Variants in ERI1 observed in about 807,000 individuals in gnomAD.
ERI1 encodes the protein 3'-5' exoribonuclease 1.
Under a neutral mutation model 39.7 loss-of-function variants are expected in ERI1, and 39 were observed. That is an observed-to-expected ratio of 0.98 (90% CI 0.76 to 1.28). The LOEUF (loss-of-function observed/expected upper bound fraction) is 1.28, where lower values mean the gene tolerates loss of function less well. ERI1 is among the 50% of genes most tolerant of loss of function. The pLI is 0.00. For missense variants in ERI1, 581 were observed against 416.9 expected, an observed-to-expected ratio of 1.39 and a Z score of -3.43; for synonymous variants, 204 against 149.6, an observed-to-expected ratio of 1.36 and a Z score of -2.65.
chr8:9,046,194 C>T (rs530290762), intron 3 of ERI1, among the ~76,000 whole-genome samples: 2 of 152,202 alleles, frequency 1.3e-5, no homozygotes, highest in East Asian at 1.9e-4. Context: ...TGGAATGTGA[C>T]CAGTGAGGTT....
chr8:9,067,382 A>ATGTGTGTGTG (rs10551937), intron 3 of ERI1, among the ~76,000 whole-genome samples: 159 of 143,998 alleles, frequency 1.1e-3, no homozygotes, highest in Middle Eastern at 3.4e-3. Flanking sequence ...ACCTGTGTGC[A>ATGTGTGTGTG]TGTGTGTGTG....
chr8:9,046,769 C>A (rs1798185700), intron 3 of ERI1, among the ~76,000 whole-genome samples: 1 of 152,162 alleles, frequency 6.6e-6, no homozygotes, highest in African/African-American at 2.4e-5. Context: ...AAGATGCTGT[C>A]TGGATTGGAA....
At chr8:9,073,106 C>T (rs1265954387) in intron 3 of ERI1, among the ~76,000 whole-genome samples, 1 of 152,220 alleles carries the variant, frequency 6.6e-6, no homozygotes, top group Admixed American at 6.5e-5. Context: ...CATCTGGCTT[C>T]TGCTGTCAGT....
intron 3 of ERI1, among the ~76,000 whole-genome samples, chr8:9,085,918 A>G (rs1799510155): frequency 6.6e-6 from 1 of 152,094 alleles, no homozygotes; most frequent in Admixed American, 6.6e-5. Flanking sequence ...GCAAACTCTT[A>G]TATGATCAAG....
Position 9,078,669 on chromosome 8 carries a change from A to C in ERI1, n.300-37679A>C, listed in dbSNP as rs375643349. 2.0e-5 allele frequency among the ~76,000 whole-genome samples: 3 copies of C among 152,356 alleles called. No individual in the cohort carries two copies. In the East Asian group the frequency reaches 5.8e-4, roughly 29 times the overall value. ...GAGACCAAGTCATTTTCATCTGTGC[A>C]TATAAATGCATATTCTCAGGTCCAC... On this transcript the variant is annotated intron_variant and non_coding_transcript_variant, in intron 3 of 3. Transcript: ENST00000518663.
At chr8:9,058,421 T>G (rs1420111566) in intron 3 of ERI1, among the ~76,000 whole-genome samples, 1 of 152,210 alleles carries the variant, frequency 6.6e-6, no homozygotes, top group East Asian at 1.9e-4. Flanking sequence ...ATGAAGGGCA[T>G]GATAACTAAT....
chr8:9,018,455 A>C, intron 5 of ERI1, 49 bp downstream of exon 5: 4 of 1,047,464 alleles, frequency 3.8e-6, no homozygotes, highest in Non-Finnish European at 5.7e-6. Flanking sequence ...TTAAAGATTA[A>C]AGATACCCTT....
chr8:9,096,050 G>A (rs1419229469), intron 3 of ERI1, among the ~76,000 whole-genome samples: 1 of 152,204 alleles, frequency 6.6e-6, no homozygotes, highest in African/African-American at 2.4e-5. Context: ...TGATAAGCCT[G>A]AAGCACTGTC....
At chr8:9,004,221 C>A (rs1563302791) in intron 1 of ERI1, 1 of 1,264,284 alleles carries the variant, frequency 7.9e-7, no homozygotes, top group Non-Finnish European at 1.0e-6. Context: ...AGTACTTGCA[C>A]ATCCCTTCTC....
intron 3 of ERI1, among the ~76,000 whole-genome samples, chr8:9,050,295 G>T (rs939199109): frequency 6.6e-6 from 1 of 152,092 alleles, no homozygotes; most frequent in Non-Finnish European, 1.5e-5. Flanking sequence ...ATCACTTGAG[G>T]TCAGGAGTTC....
intron 3 of ERI1, among the ~76,000 whole-genome samples, chr8:9,086,994 A>G (rs189115042): frequency 5.9e-4 from 90 of 152,168 alleles, no homozygotes; most frequent in African/African-American, 2.1e-3. Context: ...ATTCTGAGTA[A>G]CTTTGACCTC....
intron 3 of ERI1, among the ~76,000 whole-genome samples, chr8:9,090,124 GA>G (rs1039909593): frequency 6.6e-6 from 1 of 152,140 alleles, no homozygotes; most frequent in South Asian, 2.1e-4. Context: ...AGCCAGTAAT[GA>G]AAATCCCACC....
intron 3 of ERI1, among the ~76,000 whole-genome samples, chr8:9,058,578 G>C (rs1798587276): frequency 1.3e-5 from 2 of 152,140 alleles, no homozygotes. Context: ...TACACGTTTA[G>C]AGGAACTTCT....
intron 6 of ERI1, among the ~76,000 whole-genome samples, chr8:9,023,367 T>G (rs1818123996): frequency 6.6e-6 from 1 of 152,182 alleles, no homozygotes; most frequent in Non-Finnish European, 1.5e-5. Flanking sequence ...AGGTTCTTTT[T>G]TTGCTACAAC....
Position 9,083,217 on chromosome 8 carries a change from TC to T in ERI1, n.300-33128del, listed in dbSNP as rs1799421146. 2.0e-5 allele frequency among the ~76,000 whole-genome samples: 3 copies of T among 152,266 alleles called. No individual in the cohort carries two copies. The South Asian group carries it at 6.2e-4, about 32-fold the overall frequency. The stretch of plus-strand genomic sequence containing the variant: ...GCAAAGTCAATGACTGTGGCAATAA[TC>T]CCTTATCTTGATCTACTTTCAGTGA... On this transcript the variant is annotated intron_variant and non_coding_transcript_variant, in intron 3 of 3. Transcript: ENST00000518663.
At chr8:9,084,397 C>G (rs1331203272) in intron 3 of ERI1, among the ~76,000 whole-genome samples, 1 of 152,088 alleles carries the variant, frequency 6.6e-6, no homozygotes, top group African/African-American at 2.4e-5. Flanking sequence ...TTTTCTTTGC[C>G]CGTAGTGGAA....
intron 3 of ERI1, among the ~76,000 whole-genome samples, chr8:9,099,451 C>T (rs551446186): frequency 5.3e-4 from 81 of 151,652 alleles, no homozygotes; most frequent in African/African-American, 1.8e-3. Flanking sequence ...AAAAATTAGC[C>T]AGGTGTGGTG....
chr8:9,063,961 GAA>G (rs1404167155), intron 3 of ERI1, among the ~76,000 whole-genome samples: 3 of 151,982 alleles, frequency 2.0e-5, no homozygotes, highest in African/African-American at 7.2e-5. Context: ...CAAGCCCAGA[GAA>G]AAGAGAGAGT....
In ERI1 at chr8:9,032,451, G is replaced by T. The variant is rs1797655330; in HGVS notation, c.*2417G>T. 1 of 151,822 alleles carries T rather than the reference G, an allele frequency of 6.6e-6. No homozygotes were observed. Among genetic ancestry groups the T allele is most frequent in the South Asian group, 2.1e-4 (1 of 4,806 alleles). 9.4% of individuals were successfully genotyped at this position (151,822 alleles called of 1,614,324 possible). A position where few individuals can be genotyped will look rare whatever the true frequency, so the allele number is the denominator to read the frequency against. ...AGCATTACATTTTATCTTTATTTGT[G>T]TTCTGTTGGATCAAGTATTTAACAT... On this transcript the variant is annotated 3_prime_UTR_variant, in exon 7 of 7. Coordinates refer to ENST00000250263, the MANE Select transcript of ERI1 (RefSeq NM_153332.4).
Sources: allele counts gnomAD v4.1 joint callset (sites outside exome capture counted in the v4.1 genomes callset), GRCh38; gene constraint gnomAD v4.1.1; transcripts MANE v1.5; gene names NCBI Gene and HGNC (gene_info 2026-07-23, HGNC 2026-07-21).